PDE4B: variants seen among roughly 807,000 people sequenced by gnomAD.
The protein encoded by PDE4B is phosphodiesterase 4B.
PDE4B carries 20 observed loss-of-function variants against 82.2 expected under a neutral mutation model. The ratio of observed to expected loss-of-function variants is 0.24; its 90% confidence interval spans 0.17 to 0.35. PDE4B has a LOEUF of 0.35. PDE4B is among the 10% of genes least tolerant of loss of function. The probability of loss-of-function intolerance (pLI) is 1.00; values close to 1 mark genes in which losing one functional copy is unlikely to be tolerated. For missense variants in PDE4B, 655 were observed against 907.2 expected, an observed-to-expected ratio of 0.72 and a Z score of 3.57; for synonymous variants, 320 against 318.9, an observed-to-expected ratio of 1.00 and a Z score of -0.04.
chr1:66,320,452 T>C (rs1280863413), intron 7 of PDE4B, among the ~76,000 whole-genome samples: 1 of 152,188 alleles, frequency 6.6e-6, no homozygotes, highest in African/African-American at 2.4e-5. Context: ...AAGATAGAGC[T>C]GATTAGCTGT....
At chr1:66,157,578 T>C (rs541668243) in intron 3 of PDE4B, among the ~76,000 whole-genome samples, 1 of 152,338 alleles carries the variant, frequency 6.6e-6, no homozygotes, top group Non-Finnish European at 1.5e-5. Flanking sequence ...CTCCTTCTGA[T>C]TCTACTCAAA....
At chr1:65,989,530 A>G (rs1258728528) in intron 3 of PDE4B, among the ~76,000 whole-genome samples, 1 of 152,194 alleles carries the variant, frequency 6.6e-6, no homozygotes, top group Admixed American at 6.5e-5. Context: ...GTTATAAAAA[A>G]TAAATAAACC....
chr1:66,027,025 A>G (rs1330958263), intron 3 of PDE4B, among the ~76,000 whole-genome samples: 7 of 152,246 alleles, frequency 4.6e-5, no homozygotes, highest in African/African-American at 1.4e-4. Flanking sequence ...GAAAGTGCAT[A>G]TTCAAATTCT....
In PDE4B at chr1:65,836,283, A is replaced by G. The variant is rs148704780; in HGVS notation, c.-71+43035A>G. Among the ~76,000 whole-genome samples, 664 of 151,802 alleles carry G rather than the reference A, an allele frequency of 4.4e-3. 5 individuals are homozygous for G. The highest frequency in any genetic ancestry group is 0.015 in the African/African-American group (635 of 41,404). ...CTTTAGATGGGTCATACATTCTCCA[A>G]CTCACCGCTATCCTTACCATGTCCC... On this transcript the variant is annotated intron_variant, in intron 1 of 16. Coordinates refer to ENST00000341517, the MANE Select transcript of PDE4B (RefSeq NM_002600.4).
At chr1:66,131,612 T>TATAC (rs1645949393) in intron 3 of PDE4B, among the ~76,000 whole-genome samples, 1 of 107,400 alleles carries the variant, frequency 9.3e-6, no homozygotes, top group Non-Finnish European at 2.0e-5. Context: ...TATATATATA[T>TATAC]ATATATATAT....
chr1:66,009,273 C>T (rs751538623), intron 3 of PDE4B, among the ~76,000 whole-genome samples: 4 of 152,146 alleles, frequency 2.6e-5, no homozygotes, highest in South Asian at 2.1e-4. Flanking sequence ...CACAAGGAAG[C>T]GAGACTGTCA....
intron 4 of PDE4B, among the ~76,000 whole-genome samples, chr1:66,254,642 T>G (rs1654048873): frequency 6.6e-6 from 1 of 152,222 alleles, no homozygotes; most frequent in Admixed American, 6.5e-5. Context: ...GTGACTACCT[T>G]AAACTCCCCC....
At chr1:66,343,856 A>G (rs181358280) in intron 8 of PDE4B, among the ~76,000 whole-genome samples, 1 of 150,664 alleles carries the variant, frequency 6.6e-6, no homozygotes, top group East Asian at 1.9e-4. Flanking sequence ...TAATAAAGAT[A>G]GAATTTTTTT....
At chr1:66,229,289 G>A (rs965188096) in intron 3 of PDE4B, among the ~76,000 whole-genome samples, 1 of 152,040 alleles carries the variant, frequency 6.6e-6, no homozygotes, top group Non-Finnish European at 1.5e-5. Context: ...GATTACAGGC[G>A]TGAGCCACCA....
chr1:65,939,777 G>A (rs916468921), intron 3 of PDE4B, among the ~76,000 whole-genome samples: 2 of 152,112 alleles, frequency 1.3e-5, no homozygotes, highest in Non-Finnish European at 2.9e-5. Flanking sequence ...GACTGTCTGA[G>A]CTAGTCAGTG....
intron 7 of PDE4B, among the ~76,000 whole-genome samples, chr1:66,288,282 C>A (rs1570629870): frequency 6.6e-6 from 1 of 152,118 alleles, no homozygotes; most frequent in African/African-American, 2.4e-5. Flanking sequence ...CGCAAACACA[C>A]CACCAAGGGA....
At chr1:65,994,749 A>G (rs1651439972) in intron 3 of PDE4B, among the ~76,000 whole-genome samples, 1 of 152,124 alleles carries the variant, frequency 6.6e-6, no homozygotes. Flanking sequence ...TTAATTTTAG[A>G]TAGCTAATTT....
intron 6 of PDE4B, among the ~76,000 whole-genome samples, chr1:66,259,250 C>T (rs1654495412): frequency 6.6e-6 from 1 of 152,110 alleles, no homozygotes; most frequent in Admixed American, 6.5e-5. Context: ...CTACTGGGCA[C>T]CCCCATCAGT....
intron 4 of PDE4B, among the ~76,000 whole-genome samples, chr1:66,255,014 TTCTTTTCTTTTC>T (rs903772342): frequency 2.5e-4 from 38 of 152,126 alleles, no homozygotes; most frequent in African/African-American, 8.2e-4. Context: ...CTCTCTCTTT[TTCTTTTCTTTTC>T]TCTTTTCTTT....
At chr1:65,938,830 G>A (rs1007470304) in intron 3 of PDE4B, among the ~76,000 whole-genome samples, 11 of 152,282 alleles carry the variant, frequency 7.2e-5, no homozygotes, top group Admixed American at 7.2e-4. Context: ...GGGCCTTAAA[G>A]GCTCTGCTGG....
intron 3 of PDE4B, among the ~76,000 whole-genome samples, chr1:66,099,863 T>C (rs1645187403): frequency 6.6e-6 from 1 of 152,136 alleles, no homozygotes; most frequent in Admixed American, 6.6e-5. Context: ...TTGCTTTCTC[T>C]GCTTGAAATG....
intron 1 of PDE4B, among the ~76,000 whole-genome samples, chr1:65,894,462 A>T: frequency 6.6e-6 from 1 of 152,098 alleles, no homozygotes; most frequent in Middle Eastern, 3.2e-3. Context: ...CTATGAAATG[A>T]TGGGTTGATC....
At chr1:65,951,620 T>C (rs1649003507) in intron 3 of PDE4B, among the ~76,000 whole-genome samples, 1 of 152,082 alleles carries the variant, frequency 6.6e-6, no homozygotes, top group Admixed American at 6.6e-5. Flanking sequence ...GAGTGAATAG[T>C]CTGTGCTCCA....
At chr1:66,035,740 C>T (rs1654026769) in intron 3 of PDE4B, among the ~76,000 whole-genome samples, 1 of 152,046 alleles carries the variant, frequency 6.6e-6, no homozygotes, top group African/African-American at 2.4e-5. Context: ...TAAAATTATT[C>T]ATCAGTTTAT....
Sources: allele counts gnomAD v4.1 joint callset (sites outside exome capture counted in the v4.1 genomes callset), GRCh38; gene constraint gnomAD v4.1.1; transcripts MANE v1.5; gene names NCBI Gene and HGNC (gene_info 2026-07-23, HGNC 2026-07-21).